The following RPS6KC1 variants were observed in gnomAD, a reference collection of about 807,000 sequenced individuals.
The protein encoded by RPS6KC1 is ribosomal protein S6 kinase C1.
In RPS6KC1, 54 loss-of-function variants were observed where a neutral mutation model predicts 103.8. The observed-to-expected ratio is 0.52, with a 90% CI of 0.42 to 0.65. RPS6KC1 has a LOEUF of 0.65. Among genes scored for constraint, RPS6KC1 ranks in the 30% least tolerant of loss-of-function variants. The pLI is 0.00. For synonymous variants in RPS6KC1, 439 were observed against 438.7 expected, an observed-to-expected ratio of 1.00 and a Z score of -0.01; for missense variants, 1,151 against 1,253.8, an observed-to-expected ratio of 0.92 and a Z score of 1.24.
At chr1:213,602,166 CTT>C in the RPS6KC1 span, among the ~76,000 whole-genome samples, 1 of 92,616 alleles carries the variant, frequency 1.1e-5, no homozygotes. Context: ...TTCTTTCTTT[CTT>C]TCTTTCTTTC....
the RPS6KC1 span, among the ~76,000 whole-genome samples, chr1:213,564,920 T>C: frequency 1.3e-5 from 2 of 152,268 alleles, no homozygotes; most frequent in African/African-American, 4.8e-5. Flanking sequence ...ATTACTTTCT[T>C]GTTTTCTGTT....
chr1:213,401,296 G>T, the RPS6KC1 span, among the ~76,000 whole-genome samples: 5 of 152,194 alleles, frequency 3.3e-5, no homozygotes, highest in Non-Finnish European at 7.3e-5. Context: ...GAGATCTGAA[G>T]GCTGAGATAG....
chr1:213,786,601 T>C, the RPS6KC1 span, among the ~76,000 whole-genome samples: 21 of 152,176 alleles, frequency 1.4e-4, no homozygotes, highest in African/African-American at 5.1e-4. Context: ...CTGCTAACCT[T>C]AAAGGTTATT....
the RPS6KC1 span, among the ~76,000 whole-genome samples, chr1:213,597,215 A>C: frequency 3.9e-5 from 6 of 152,234 alleles, no homozygotes; most frequent in Admixed American, 3.9e-4. Flanking sequence ...TCATATATTT[A>C]GAAAACAGGT....
intron 1 of RPS6KC1, among the ~76,000 whole-genome samples, chr1:213,054,257 A>G (rs1379957417): frequency 1.3e-5 from 2 of 152,246 alleles, no homozygotes; most frequent in African/African-American, 4.8e-5. Context: ...TATGCATGTT[A>G]CATATTGCTC....
the RPS6KC1 span, among the ~76,000 whole-genome samples, chr1:213,744,810 C>G: frequency 1.3e-5 from 2 of 152,208 alleles, no homozygotes; most frequent in African/African-American, 2.4e-5. Context: ...TGCTGGTCAG[C>G]GTGGAGGCTT....
the RPS6KC1 span, among the ~76,000 whole-genome samples, chr1:213,554,649 T>A: frequency 6.6e-6 from 1 of 152,190 alleles, no homozygotes; most frequent in African/African-American, 2.4e-5. Flanking sequence ...GTGTTGCACT[T>A]TTTGTACCTA....
chr1:213,366,518 G>A, the RPS6KC1 span, among the ~76,000 whole-genome samples: 1 of 152,198 alleles, frequency 6.6e-6, no homozygotes, highest in Admixed American at 6.5e-5. Context: ...GGCTTTGTGG[G>A]CCACACAGTC....
chr1:213,092,466 T>G (rs930493392), intron 3 of RPS6KC1, among the ~76,000 whole-genome samples: 1 of 151,950 alleles, frequency 6.6e-6, no homozygotes, highest in Non-Finnish European at 1.5e-5. Context: ...GGTCAGGAGA[T>G]CGAGACAATC....
At chr1:213,321,762 A>G in the RPS6KC1 span, among the ~76,000 whole-genome samples, 1 of 152,226 alleles carries the variant, frequency 6.6e-6, no homozygotes, top group Non-Finnish European at 1.5e-5. Flanking sequence ...GGGAGGAAAG[A>G]CAGGAAGTGA....
chr1:213,745,223 T>TA, the RPS6KC1 span, among the ~76,000 whole-genome samples: 1 of 141,198 alleles, frequency 7.1e-6, no homozygotes, highest in African/African-American at 2.4e-5. Context: ...CAATGGAAGC[T>TA]AGGGTTTTTT....
the RPS6KC1 span, among the ~76,000 whole-genome samples, chr1:213,562,359 G>GTTTTTTTTTT: frequency 5.5e-5 from 2 of 36,302 alleles, no homozygotes; most frequent in African/African-American, 2.4e-4. Context: ...GAAAAGTTCT[G>GTTTTTTTTTT]TTTTTTTTTT....
At chr1:213,136,708 G>T (rs1439676032) in intron 6 of RPS6KC1, among the ~76,000 whole-genome samples, 2 of 152,020 alleles carry the variant, frequency 1.3e-5, no homozygotes, top group East Asian at 3.9e-4. Flanking sequence ...TCATATAGCT[G>T]AATGTATTTT....
intron 10 of RPS6KC1, among the ~76,000 whole-genome samples, chr1:213,238,302 G>A (rs942260068): frequency 2.6e-5 from 4 of 152,074 alleles, no homozygotes; most frequent in African/African-American, 7.2e-5. Flanking sequence ...AGTGGATACT[G>A]GGGAAACTAT....
At chr1:213,135,954 G>A (rs1170347100) in intron 6 of RPS6KC1, among the ~76,000 whole-genome samples, 3 of 152,124 alleles carry the variant, frequency 2.0e-5, no homozygotes, top group Non-Finnish European at 4.4e-5. Flanking sequence ...TAGATTTTCA[G>A]CTCCAGGTAG....
chr1:213,360,142 C>T, the RPS6KC1 span, among the ~76,000 whole-genome samples: 55 of 152,280 alleles, frequency 3.6e-4, no homozygotes, highest in African/African-American at 1.2e-3. Flanking sequence ...TATAATATCC[C>T]GCAGAGTGTT....
the RPS6KC1 span, among the ~76,000 whole-genome samples, chr1:213,585,009 A>T: frequency 3.3e-5 from 5 of 152,356 alleles, no homozygotes; most frequent in Admixed American, 1.3e-4. Flanking sequence ...TGGGACATAC[A>T]TTCAGACCTG....
Position 213,206,478 on chromosome 1 carries a change from G to C in RPS6KC1, c.1045-24019G>C, listed in dbSNP as rs1240176508. Among the ~76,000 whole-genome samples the C allele has an allele frequency of 3.3e-5, 5 of 152,224 alleles. No individual in the cohort carries two copies. In the East Asian group the frequency reaches 9.6e-4, roughly 29 times the overall value. ...TTCTTCTTTTTAGTCTAGTTGGAAA[G>C]ATATAAGTAAATACATAAGTTGTAA... is the stretch of plus-strand genomic sequence containing the variant. On this transcript the variant is annotated intron_variant, in intron 8 of 14. Transcript: ENST00000366960.
At chr1:213,409,655 A>G in the RPS6KC1 span, among the ~76,000 whole-genome samples, 3 of 152,206 alleles carry the variant, frequency 2.0e-5, no homozygotes, top group African/African-American at 7.2e-5. Flanking sequence ...CAGAATGACA[A>G]TACTTTGTGA....
Sources: gnomAD v4.1 joint callset for allele counts (sites outside exome capture counted in the v4.1 genomes callset) on GRCh38, gnomAD v4.1.1 for gene constraint, MANE v1.5 for transcripts, NCBI Gene and HGNC (gene_info 2026-07-23, HGNC 2026-07-21) for gene names.